Variants in DOCK11 observed in about 807,000 individuals in gnomAD.
DOCK11 encodes dedicator of cytokinesis protein 11.
DOCK11 carries 70 observed loss-of-function variants against 169.1 expected under a neutral mutation model. That is an observed-to-expected ratio of 0.41 (90% CI 0.34 to 0.51). The LOEUF (loss-of-function observed/expected upper bound fraction) is 0.51, where lower values mean the gene tolerates loss of function less well. Among genes scored for constraint, DOCK11 ranks in the 20% least tolerant of loss-of-function variants. The pLI, the probability that DOCK11 is intolerant of heterozygous loss-of-function variation, is 0.10. For missense variants in DOCK11, 1,166 were observed against 1,538.8 expected, an observed-to-expected ratio of 0.76 and a Z score of 4.05; for synonymous variants, 529 against 541.3, an observed-to-expected ratio of 0.98 and a Z score of 0.32.
Position 118,608,271 on chromosome X carries a change from A to G in DOCK11, c.2792A>G (p.Gln931Arg), listed in dbSNP as rs1386892954. Reference sequence around the variant, plus strand: ...GAAAAACCGAGTGCTCCTCAGGCCCAGCTGATACATGAAACCCTGGCTACT... The same window carrying G: ...GAAAAACCGAGTGCTCCTCAGGCCCGGCTGATACATGAAACCCTGGCTACT... ...RPEKPSAPQA[Q>R]LIHETLATTM... The change falls in exon 26 of 53, where the codon CAG becomes CGG. Residue 931 changes from glutamine to arginine, a missense_variant. Transcript: ENST00000276202. 1.7e-6 allele frequency: 2 copies of G among 1,211,203 alleles called. No homozygotes were observed. The highest frequency in any genetic ancestry group is 1.7e-5 in the African/African-American group (1 of 57,808).
chrX:118,638,059 T>G (rs909221595), intron 36 of DOCK11, 21 bp from the exon 37 acceptor site: 2 of 1,167,033 alleles, frequency 1.7e-6, no homozygotes, highest in East Asian at 6.0e-5. Flanking sequence ...ATTACTAACA[T>G]GCTATTGTTT....
Position 118,616,030 on chromosome X carries a change from C to T in DOCK11, c.3292+319C>T, listed in dbSNP as rs868339156. On this transcript the variant is annotated intron_variant, in intron 30 of 52. Coordinates refer to ENST00000276202, the MANE Select transcript of DOCK11 (RefSeq NM_144658.4). ...AAAGACATATAAATGCATTTCTCCTCAAAGCATCAAAAAATGTAAAGGTAG... is the reference window on the plus strand; with the variant it reads ...AAAGACATATAAATGCATTTCTCCTTAAAGCATCAAAAAATGTAAAGGTAG... Among the ~76,000 whole-genome samples, 16 of 111,612 alleles carry T rather than the reference C, an allele frequency of 1.4e-4. No individual in the cohort carries two copies. The Middle Eastern group carries it at 0.014, about 96-fold the overall frequency.
At chrX:118,620,440 T>C (rs1414272426) in intron 31 of DOCK11, among the ~76,000 whole-genome samples, 1 of 112,162 alleles carries the variant, frequency 8.9e-6, no homozygotes, top group African/African-American at 3.2e-5. Context: ...CTCACATTCC[T>C]TTAATTACAG....
At chrX:118,623,866 A>G (rs1405863851) in intron 31 of DOCK11, among the ~76,000 whole-genome samples, 1 of 112,845 alleles carries the variant, frequency 8.9e-6, no homozygotes, top group African/African-American at 3.2e-5. Context: ...ATTTGAGTGT[A>G]TATACATATC....
At chrX:118,669,254 T>A (rs1213788992) in intron 45 of DOCK11, among the ~76,000 whole-genome samples, 1 of 111,526 alleles carries the variant, frequency 9.0e-6, no homozygotes, top group Non-Finnish European at 1.9e-5. Flanking sequence ...TTGAGAAATA[T>A]TTAGGAAATA....
chrX:118,528,060 C>T (rs1443902647), intron 1 of DOCK11, among the ~76,000 whole-genome samples: 5 of 112,667 alleles, frequency 4.4e-5, no homozygotes, highest in Non-Finnish European at 9.4e-5. Context: ...GCCCTGACAT[C>T]GGACTATGCA....
In DOCK11 at chrX:118,599,182, A is replaced by G; in HGVS notation, c.2516A>G (p.Gln839Arg). 2 of 1,211,284 alleles carry G rather than the reference A, an allele frequency of 1.7e-6. No homozygotes were observed. Among genetic ancestry groups the G allele is most frequent in the Non-Finnish European group, 2.2e-6 (2 of 895,023 alleles). Residue 839 changes from glutamine (Q) to arginine (R), a missense_variant, in exon 23 of 53, where the codon CAG becomes CGG. Coordinates refer to ENST00000276202, the MANE Select transcript of DOCK11 (RefSeq NM_144658.4). Reference sequence around the variant, plus strand: ...TTCTTCCATCATTGCCAGCTGATTCAGTCAGGCTCGAAAGAAGTTCCAGGG... The same window carrying G: ...TTCTTCCATCATTGCCAGCTGATTCGGTCAGGCTCGAAAGAAGTTCCAGGG... ...HKFFHHCQLI[Q>R]SGSKEVPGEL...
Position 118,676,750 on chromosome X carries a change from C to T in DOCK11, c.5460+13C>T, listed in dbSNP as rs1328024948. 8.5e-6 allele frequency: 10 copies of T among 1,174,077 alleles called. No individual in the cohort carries two copies. Among genetic ancestry groups the T allele is most frequent in the Non-Finnish European group, 1.1e-5 (10 of 874,124 alleles). ...GGATTCAGACAAGGTAACACATACC[C>T]TACATGTTGAAATCATTATTTGTTA... On this transcript the variant is annotated intron_variant, in intron 48 of 52. Coordinates refer to ENST00000276202, the MANE Select transcript of DOCK11 (RefSeq NM_144658.4).
At chrX:118,595,526 G>A (rs1003282836) in intron 20 of DOCK11, among the ~76,000 whole-genome samples, 1 of 111,595 alleles carries the variant, frequency 9.0e-6, no homozygotes, top group African/African-American at 3.3e-5. Flanking sequence ...AGAAATTGCC[G>A]TTAGTTCAGG....
chrX:118,502,504 C>G (rs1372536570), intron 1 of DOCK11, among the ~76,000 whole-genome samples: 1 of 111,606 alleles, frequency 9.0e-6, no homozygotes, highest in East Asian at 2.8e-4. Context: ...GGGCTCTTTT[C>G]CAAGTTTTCT....
intron 1 of DOCK11, among the ~76,000 whole-genome samples, chrX:118,506,985 G>A (rs775937450): frequency 6.2e-5 from 7 of 112,152 alleles, no homozygotes; most frequent in Admixed American, 9.5e-5. Flanking sequence ...AAAACATGCC[G>A]AGTGTTCCAG....
intron 1 of DOCK11, among the ~76,000 whole-genome samples, chrX:118,510,155 C>T (rs886966522): frequency 1.8e-5 from 2 of 111,919 alleles, no homozygotes; most frequent in African/African-American, 6.5e-5. Context: ...CATTGAGGAA[C>T]CATTATTCTG....
intron 13 of DOCK11, among the ~76,000 whole-genome samples, chrX:118,579,421 G>GA (rs112449437): frequency 0.47 from 52,120 of 110,435 alleles, 10,032 homozygotes; most frequent in African/African-American, 0.73. Context: ...GTGTATTTAT[G>GA]TACATCAATC....
At chrX:118,549,149 T>C (rs115131886) in intron 6 of DOCK11, among the ~76,000 whole-genome samples, 6,294 of 89,025 alleles carry the variant, frequency 0.071, 632 homozygotes, top group African/African-American at 0.23. Context: ...CATATAAAAC[T>C]TTTTTTTTTT....
chrX:118,544,084 C>T lies in DOCK11; in HGVS notation c.392+491C>T, dbSNP rs775973141. 6.2e-5 allele frequency among the ~76,000 whole-genome samples: 7 copies of T among 112,398 alleles called. No homozygotes were observed. In the South Asian group the frequency reaches 1.8e-3, roughly 29 times the overall value. On this transcript the variant is annotated intron_variant, in intron 4 of 52. Transcript: ENST00000276202. ...GGTTTTAACTTTCCTCTTTGAAATT[C>T]CAAAATGTATGAGAGCTCACTTTTT...
chrX:118,506,279 C>A (rs1237996122), intron 1 of DOCK11, among the ~76,000 whole-genome samples: 4 of 109,515 alleles, frequency 3.7e-5, no homozygotes, highest in East Asian at 2.9e-4. Flanking sequence ...CAACAAAAAA[C>A]CAAAACCAAA....
At chrX:118,636,492 A>G (rs756431024) in intron 36 of DOCK11, 80 bp downstream of exon 36, 12 of 449,212 alleles carry the variant, frequency 2.7e-5, no homozygotes, top group African/African-American at 2.5e-4. Context: ...TCTGTTTTTA[A>G]TAGCTTATTT....
At chrX:118,540,385 G>C (rs1009332941) in intron 1 of DOCK11, among the ~76,000 whole-genome samples, 1 of 111,355 alleles carries the variant, frequency 9.0e-6, no homozygotes, top group Non-Finnish European at 1.9e-5. Context: ...GTTTCCTTTT[G>C]AGTCCATGGA....
chrX:118,519,907 C>G (rs2057712458), intron 1 of DOCK11, among the ~76,000 whole-genome samples: 2 of 111,808 alleles, frequency 1.8e-5, no homozygotes, highest in Admixed American at 1.9e-4. Context: ...CATTTAAAAT[C>G]AGATTATACC....
Sources: allele counts gnomAD v4.1 joint callset (sites outside exome capture counted in the v4.1 genomes callset), GRCh38; gene constraint gnomAD v4.1.1; transcripts MANE v1.5; gene names NCBI Gene and HGNC (gene_info 2026-07-23, HGNC 2026-07-21).